The following CHST12 variants were observed in gnomAD, a reference collection of about 807,000 sequenced individuals.
CHST12 encodes carbohydrate (chondroitin 4) sulfotransferase 12.
A neutral mutation model predicts 27.9 loss-of-function variants in CHST12; 23 were observed. That is an observed-to-expected ratio of 0.82 (90% CI 0.59 to 1.17). CHST12 has a LOEUF of 1.17. CHST12 is among the 50% of genes most tolerant of loss of function. The pLI, the probability that CHST12 is intolerant of heterozygous loss-of-function variation, is 0.00. For missense variants in CHST12, 682 were observed against 603.0 expected, an observed-to-expected ratio of 1.13 and a Z score of -1.37; for synonymous variants, 322 against 273.0, an observed-to-expected ratio of 1.18 and a Z score of -1.77.
rs1346532681 is a variant in CHST12, at chr7:2,434,682, G to A, written c.*798G>A. The A allele has an allele frequency of 1.4e-5, 2 of 147,970 alleles. No individual in the cohort carries two copies. Among genetic ancestry groups the A allele is most frequent in the African/African-American group, 5.0e-5 (2 of 39,984 alleles). The allele number at this position is 147,970 out of a possible 1,614,324, so 9.2% of individuals were successfully genotyped here. A position where few individuals can be genotyped will look rare whatever the true frequency, so the allele number is the denominator to read the frequency against. On this transcript the variant is annotated 3_prime_UTR_variant, in exon 2 of 2. Transcript: ENST00000618655. ...TCAGGAGTTCTGAGATGGAAAGATTGCTTGAACCCAGGAGGCAGAGGCTGC... is the reference window on the plus strand; with the variant it reads ...TCAGGAGTTCTGAGATGGAAAGATTACTTGAACCCAGGAGGCAGAGGCTGC...
chr7:2,421,227 CTTTTTTTTTTT>C (rs60332594), intron 1 of CHST12, among the ~76,000 whole-genome samples: 1 of 92,010 alleles, frequency 1.1e-5, no homozygotes, highest in African/African-American at 4.3e-5. Flanking sequence ...CCTGCTAATT[CTTTTTTTTTTT>C]TTTTTTTTTT....
rs142210608 is a variant in CHST12 at position 2,430,664 on chromosome 7, C to A, written c.-77-1899C>A. On this transcript the variant is annotated intron_variant, in intron 1 of 1. Transcript: ENST00000618655. ...AGACAGTTTCACCATGTTGGCCAGG[C>A]GGGTCTCCAACTCCTGATCTCAAGT... Among the ~76,000 whole-genome samples, 231 of 152,164 alleles carry A rather than the reference C, an allele frequency of 1.5e-3. 3 individuals carry two copies. In the South Asian group the frequency reaches 0.031, roughly 21 times the overall value.
chr7:2,417,791 C>G (rs1781849269), intron 1 of CHST12, among the ~76,000 whole-genome samples: 1 of 152,188 alleles, frequency 6.6e-6, no homozygotes. Context: ...TTGGATGTTA[C>G]TCTCCTCCAG....
rs1782750893 is a variant in CHST12 at position 2,446,325 on chromosome 7, C to CG, written c.*12443dup. On this transcript the variant is annotated 3_prime_UTR_variant, in exon 2 of 2. Transcript: ENST00000618655. ...GGGGACGGGAGCCTCGTGCGACTCT[C>CG]GGAGTGCTGGCCAGATTGGCAGAGG... 2 of 152,766 alleles carry CG rather than the reference C, an allele frequency of 1.3e-5. No homozygotes were observed. The highest frequency in any genetic ancestry group is 2.9e-5 in the Non-Finnish European group (2 of 68,116). 9.5% of individuals were successfully genotyped at this position (152,766 alleles called of 1,614,324 possible). A position where few individuals can be genotyped will look rare whatever the true frequency, so the allele number is the denominator to read the frequency against.
intron 1 of CHST12, among the ~76,000 whole-genome samples, chr7:2,411,353 A>G (rs1781659645): frequency 6.6e-6 from 1 of 152,136 alleles, no homozygotes; most frequent in South Asian, 2.1e-4. Context: ...AAGTGTTGGG[A>G]TTACAGGCAT....
rs373186005 is a variant in CHST12, at chr7:2,434,118, C to T, written c.*234C>T. 1.4e-4 allele frequency: 48 copies of T among 353,720 alleles called. No homozygotes were observed. Among genetic ancestry groups the T allele is most frequent in the African/African-American group, 8.6e-4 (30 of 34,878 alleles). 21.9% of individuals were successfully genotyped at this position (353,720 alleles called of 1,614,324 possible). On this transcript the variant is annotated 3_prime_UTR_variant, in exon 2 of 2. Coordinates refer to ENST00000618655, the MANE Select transcript of CHST12 (RefSeq NM_018641.5). ...CTCTCCCCTCCGCCCGCCCACCCGC[C>T]CGCCCGCTCGCCCGCTCGCCCGCTC...
At chr7:2,421,553 C>A (rs1781976897) in intron 1 of CHST12, among the ~76,000 whole-genome samples, 1 of 151,360 alleles carries the variant, frequency 6.6e-6, no homozygotes, top group Admixed American at 6.6e-5. Context: ...CCTTCCATCT[C>A]AGCCTCTCAA....
rs1583226173 is a variant in CHST12, at chr7:2,432,760, T to C, written c.121T>C (p.Ser41Pro). The change falls in exon 2 of 2, where the codon TCT becomes CCT. Residue 41 changes from serine (S) to proline (P), a missense_variant. By Grantham distance (74) the Ser-to-Pro change is moderately conservative (BLOSUM62 -1). Transcript: ENST00000618655. ...AAHFYLHTSFSRPHTGPPLPT... is the reference protein window; with the variant it reads ...AAHFYLHTSFPRPHTGPPLPT... The stretch of plus-strand genomic sequence containing the variant: ...GCACTTCTACTTGCACACGTCCTTC[T>C]CTAGGCCGCACACGGGGCCGCCGCT... 1.9e-6 allele frequency: 3 copies of C among 1,613,770 alleles called. No homozygotes were observed. The highest frequency in any genetic ancestry group is 2.5e-6 in the Non-Finnish European group (3 of 1,179,812).
rs1375202855 is a variant in CHST12, at chr7:2,447,724, C to G, written c.*13840C>G. On this transcript the variant is annotated 3_prime_UTR_variant, in exon 2 of 2. Coordinates refer to ENST00000618655, the MANE Select transcript of CHST12 (RefSeq NM_018641.5). ...CTGACCTCAAGTGATTCGCCCGCCT[C>G]GGCCTCCCAAAGTGCTGGGATTACA... is the stretch of plus-strand genomic sequence containing the variant. 6.6e-6 allele frequency: 1 copy of G among 152,104 alleles called. No homozygotes were observed. Among genetic ancestry groups the G allele is most frequent in the African/African-American group, 2.4e-5 (1 of 41,426 alleles). The allele number at this position is 152,104 out of a possible 1,614,324, so 9.4% of individuals were successfully genotyped here. A position where few individuals can be genotyped will look rare whatever the true frequency, so the allele number is the denominator to read the frequency against.
chr7:2,434,106 C>G lies in CHST12; in HGVS notation c.*222C>G. ...GTAAAATATCCCCTCTCCCCTCCGC[C>G]CGCCCACCCGCCCGCCCGCTCGCCC... On this transcript the variant is annotated 3_prime_UTR_variant, in exon 2 of 2. Coordinates refer to ENST00000618655, the MANE Select transcript of CHST12 (RefSeq NM_018641.5). 1 of 379,686 alleles carries G rather than the reference C, an allele frequency of 2.6e-6. No homozygotes were observed. The allele number at this position is 379,686 out of a possible 1,614,324, so 23.5% of individuals were successfully genotyped here.
intron 1 of CHST12, among the ~76,000 whole-genome samples, chr7:2,418,697 C>T (rs372112847): frequency 6.6e-6 from 1 of 152,218 alleles, no homozygotes; most frequent in African/African-American, 2.4e-5. Context: ...TTCTCTCCTG[C>T]CCAGAAGGTA....
In CHST12 at chr7:2,443,713, C is replaced by T. The variant is rs1398581741; in HGVS notation, c.*9829C>T. The T allele has an allele frequency of 6.6e-6, 1 of 152,232 alleles. No homozygotes were observed. The highest frequency in any genetic ancestry group is 1.5e-5 in the Non-Finnish European group (1 of 68,054). 9.4% of individuals were successfully genotyped at this position (152,232 alleles called of 1,614,324 possible). A position where few individuals can be genotyped will look rare whatever the true frequency, so the allele number is the denominator to read the frequency against. On this transcript the variant is annotated 3_prime_UTR_variant, in exon 2 of 2. Coordinates refer to ENST00000618655, the MANE Select transcript of CHST12 (RefSeq NM_018641.5). ...TAACACAGGAACAAAGACAGAGCTG[C>T]TTCCCTCCTGTTGGGTCTCTGGCGG...
In CHST12 at chr7:2,432,658, T is replaced by A. The variant is rs1478160321; in HGVS notation, c.19T>A (p.Phe7Ile). The A allele has an allele frequency of 6.2e-7, 1 of 1,609,656 alleles. No homozygotes were observed. The highest frequency in any genetic ancestry group is 1.1e-5 in the South Asian group (1 of 90,946). Residue 7 changes from phenylalanine to isoleucine, a missense_variant, in exon 2 of 2, where the codon TTC becomes ATC. By Grantham distance (21) the Phe-to-Ile change is conservative. Coordinates refer to ENST00000618655, the MANE Select transcript of CHST12 (RefSeq NM_018641.5). Reference protein sequence around the residue: MTKARLFRLWLVLGSVF... With the variant: MTKARLIRLWLVLGSVF... Reference sequence around the variant, plus strand: ...GGGCAGGATGACCAAGGCCCGGCTGTTCCGGCTGTGGCTGGTGCTGGGGTC... The same window carrying A: ...GGGCAGGATGACCAAGGCCCGGCTGATCCGGCTGTGGCTGGTGCTGGGGTC...
At chr7:2,417,929 G>T (rs1462852200) in intron 1 of CHST12, among the ~76,000 whole-genome samples, 2 of 152,354 alleles carry the variant, frequency 1.3e-5, no homozygotes, top group South Asian at 4.1e-4. Context: ...TGTCAGTTCT[G>T]CTGTAACAAT....
At chr7:2,427,794 A>G (rs1385808342) in intron 1 of CHST12, among the ~76,000 whole-genome samples, 2 of 151,980 alleles carry the variant, frequency 1.3e-5, no homozygotes, top group Non-Finnish European at 1.5e-5. Context: ...TGCATACCCT[A>G]CTTGGTCATG....
Position 2,442,719 on chromosome 7 carries a change from A to C in CHST12, c.*8835A>C, listed in dbSNP as rs533295981. Reference sequence around the variant, plus strand: ...ATCCCCAACCCCCTGGTGATGGACCAATACTGGCCTGCGGCCCCTTAGGAA... The same window carrying C: ...ATCCCCAACCCCCTGGTGATGGACCCATACTGGCCTGCGGCCCCTTAGGAA... On this transcript the variant is annotated 3_prime_UTR_variant, in exon 2 of 2. Coordinates refer to ENST00000618655, the MANE Select transcript of CHST12 (RefSeq NM_018641.5). The C allele has an allele frequency of 1.3e-5, 2 of 152,412 alleles. No homozygotes were observed. Among genetic ancestry groups the C allele is most frequent in the East Asian group, 3.9e-4 (2 of 5,180 alleles). 9.4% of individuals were successfully genotyped at this position (152,412 alleles called of 1,614,324 possible).
chr7:2,425,227 CAAA>C (rs34629622), intron 1 of CHST12, among the ~76,000 whole-genome samples: 5 of 136,950 alleles, frequency 3.7e-5, no homozygotes, highest in African/African-American at 1.1e-4. Context: ...AAACAACAAA[CAAA>C]AAAAAAACGT....
chr7:2,419,401 C>CAA (rs35870806), intron 1 of CHST12, among the ~76,000 whole-genome samples: 2 of 113,086 alleles, frequency 1.8e-5, no homozygotes. Context: ...ACCCTGTCTC[C>CAA]AAAAAAAAAA....
At chr7:2,408,577 A>G (rs977124954) in intron 1 of CHST12, among the ~76,000 whole-genome samples, 2 of 152,202 alleles carry the variant, frequency 1.3e-5, no homozygotes, top group African/African-American at 4.8e-5. Context: ...TTTTCAAAGC[A>G]GCACTGGGTG....
Sources: allele counts gnomAD v4.1 joint callset (sites outside exome capture counted in the v4.1 genomes callset), GRCh38; gene constraint gnomAD v4.1.1; transcripts MANE v1.5; gene names NCBI Gene and HGNC (gene_info 2026-07-23, HGNC 2026-07-21).